Variants in SMYD3 observed in about 807,000 individuals in gnomAD.
The protein encoded by SMYD3 is SET and MYND domain containing 3.
In SMYD3, 36 loss-of-function variants were observed where a neutral mutation model predicts 57.7. The ratio of observed to expected loss-of-function variants is 0.62; its 90% CI spans 0.48 to 0.82. The LOEUF (loss-of-function observed/expected upper bound fraction) is 0.82, where lower values mean the gene tolerates loss of function less well. Among genes scored for constraint, SMYD3 ranks in the 40% least tolerant of loss-of-function variants. The pLI, the probability that SMYD3 is intolerant of heterozygous loss-of-function variation, is 0.00. For synonymous variants in SMYD3, 211 were observed against 195.0 expected (o/e 1.08, Z -0.68); for missense variants, 515 against 538.8 (o/e 0.96, Z 0.44).
At chr1:246,173,473 C>G (rs2062379063) in intron 5 of SMYD3, among the ~76,000 whole-genome samples, 2 of 152,226 alleles carry the variant, frequency 1.3e-5, no homozygotes, top group Non-Finnish European at 2.9e-5. Flanking sequence ...CCTTTTGACT[C>G]TTGTAATAAT....
chr1:245,852,365 T>C (rs534332906), intron 10 of SMYD3, among the ~76,000 whole-genome samples: 1 of 152,276 alleles, frequency 6.6e-6, no homozygotes, highest in South Asian at 2.1e-4. Context: ...AGCTGGGCAA[T>C]GAAGGTCTTT....
At chr1:246,002,956 C>A (rs1321491466) in intron 5 of SMYD3, among the ~76,000 whole-genome samples, 1 of 152,200 alleles carries the variant, frequency 6.6e-6, no homozygotes, top group Non-Finnish European at 1.5e-5. Context: ...TTCGGCCTCA[C>A]TGCATGGCTC....
chr1:246,315,524 T>C (rs1040864918), intron 5 of SMYD3, among the ~76,000 whole-genome samples: 7 of 152,208 alleles, frequency 4.6e-5, no homozygotes, highest in Admixed American at 3.9e-4. Context: ...CATCTAGGCC[T>C]ACCTTATAGA....
intron 6 of SMYD3, 108 bp downstream of exon 6, chr1:245,929,762 C>T: frequency 1.2e-6 from 1 of 857,556 alleles, no homozygotes; most frequent in Non-Finnish European, 2.0e-6. Context: ...TTAAGCTTGG[C>T]TCTTGAACAA....
intron 5 of SMYD3, among the ~76,000 whole-genome samples, chr1:245,997,755 A>C (rs958700313): frequency 5.9e-5 from 9 of 152,224 alleles, no homozygotes; most frequent in African/African-American, 2.2e-4. Flanking sequence ...CAGTCACGGC[A>C]GCGGACAGCA....
intron 7 of SMYD3, among the ~76,000 whole-genome samples, chr1:245,919,264 A>T (rs2055683649): frequency 1.3e-5 from 2 of 152,088 alleles, no homozygotes; most frequent in Non-Finnish European, 2.9e-5. Context: ...GCACACAAGG[A>T]TTTCCCTCAG....
chr1:245,824,726 C>T (rs1233045412), intron 10 of SMYD3, among the ~76,000 whole-genome samples: 1 of 152,020 alleles, frequency 6.6e-6, no homozygotes, highest in African/African-American at 2.4e-5. Flanking sequence ...TGTGGTGGTG[C>T]ATGCCTGTAG....
intron 1 of SMYD3, among the ~76,000 whole-genome samples, chr1:246,491,331 A>G (rs2103068833): frequency 6.6e-6 from 1 of 152,328 alleles, no homozygotes; most frequent in East Asian, 1.9e-4. Flanking sequence ...TAAGGTCAGG[A>G]GTTCAAGACC....
chr1:245,749,694 A>C, intron 11 of SMYD3, 30 bp from the exon 12 acceptor site: 1 of 1,578,982 alleles, frequency 6.3e-7, no homozygotes, highest in Non-Finnish European at 8.7e-7. Flanking sequence ...GAGAGATTAG[A>C]CCCCAAAATA....
At chr1:246,180,501 T>C (rs1308969203) in intron 5 of SMYD3, among the ~76,000 whole-genome samples, 1 of 150,654 alleles carries the variant, frequency 6.6e-6, no homozygotes, top group Non-Finnish European at 1.5e-5. Context: ...TTCATGCCTG[T>C]AATCCCAGCA....
In SMYD3 at chr1:246,157,511, C is replaced by G. The variant is rs1236293476; in HGVS notation, c.531+169690G>C. The stretch of plus-strand genomic sequence containing the variant: ...AACAGACATTCCCTCCCAAGTTATT[C>G]CTTTTAATCCTGTCCTTTGTCAGAT... On this transcript the variant is annotated intron_variant, in intron 5 of 11. Transcript: ENST00000490107. Among the ~76,000 whole-genome samples, 3 of 152,122 alleles carry G rather than the reference C, an allele frequency of 2.0e-5. No homozygotes were observed. In the East Asian group the frequency reaches 5.8e-4, roughly 29 times the overall value.
intron 5 of SMYD3, among the ~76,000 whole-genome samples, chr1:246,030,207 A>G (rs1294139037): frequency 6.6e-6 from 1 of 152,120 alleles, no homozygotes. Context: ...GAAAACATAG[A>G]TACAGACATG....
At chr1:246,204,146 T>C (rs867441656) in intron 5 of SMYD3, among the ~76,000 whole-genome samples, 9 of 152,174 alleles carry the variant, frequency 5.9e-5, no homozygotes, top group Admixed American at 5.2e-4. Context: ...TATATGCTGA[T>C]AATAAAAACA....
intron 5 of SMYD3, among the ~76,000 whole-genome samples, chr1:246,193,180 G>A (rs181419837): frequency 1.8e-3 from 270 of 152,232 alleles, no homozygotes; most frequent in Non-Finnish European, 2.7e-3. Flanking sequence ...AGAAAATATG[G>A]TACTACAGCC....
intron 5 of SMYD3, among the ~76,000 whole-genome samples, chr1:246,007,281 G>A (rs2148178404): frequency 6.6e-6 from 1 of 152,288 alleles, no homozygotes; most frequent in East Asian, 1.9e-4. Flanking sequence ...TATTCAAGAG[G>A]AAAACTGATG....
In SMYD3 at chr1:245,865,202, A is replaced by G. The variant is rs148556625; in HGVS notation, c.814-1316T>C. On this transcript the variant is annotated intron_variant, in intron 8 of 11. Transcript: ENST00000490107. ...TTATCTTCACATAGCTCTTCTATGT[A>G]TGTAAGTATCTTCACATAGCTCTTC... Among the ~76,000 whole-genome samples the G allele has an allele frequency of 6.6e-5, 10 of 152,322 alleles. No homozygotes were observed. In the East Asian group the frequency reaches 1.9e-3, roughly 29 times the overall value.
chr1:246,462,367 C>G (rs2067814951), intron 1 of SMYD3, among the ~76,000 whole-genome samples: 1 of 152,308 alleles, frequency 6.6e-6, no homozygotes, highest in Middle Eastern at 3.4e-3. Flanking sequence ...GTCTGGAGAA[C>G]TGTGCTCCAC....
At chr1:246,353,478 T>C (rs1307939220) in intron 2 of SMYD3, among the ~76,000 whole-genome samples, 1 of 152,078 alleles carries the variant, frequency 6.6e-6, no homozygotes, top group Non-Finnish European at 1.5e-5. Flanking sequence ...TGCAGTGAAC[T>C]TGATAACACC....
chr1:245,833,813 C>T (rs2049974764), intron 10 of SMYD3, among the ~76,000 whole-genome samples: 1 of 152,178 alleles, frequency 6.6e-6, no homozygotes, highest in Admixed American at 6.5e-5. Context: ...AGCTCATTGG[C>T]GTGAGAAGCC....
Sources: allele counts gnomAD v4.1 joint callset (sites outside exome capture counted in the v4.1 genomes callset), GRCh38; gene constraint gnomAD v4.1.1; transcripts MANE v1.5; gene names NCBI Gene and HGNC (gene_info 2026-07-23, HGNC 2026-07-21).